The following CD101 variants were observed in gnomAD, a reference collection of about 807,000 sequenced individuals.
The protein encoded by CD101 is CD101 molecule, also known as immunoglobulin superfamily member 2.
Under a neutral mutation model 98.2 loss-of-function variants are expected in CD101, and 76 were observed. The ratio of observed to expected loss-of-function variants is 0.77; its 90% CI spans 0.64 to 0.94. The LOEUF is 0.94. Ranked by LOEUF, CD101 falls within the 40% of genes least tolerant of loss-of-function variation. The pLI, the probability that CD101 is intolerant of heterozygous loss-of-function variation, is 0.00. For missense variants in CD101, 1,145 were observed against 1,218.8 expected (o/e 0.94, Z 0.90); for synonymous variants, 471 against 472.7 (o/e 1.00, Z 0.05).
intron 9 of CD101, 161 bp downstream of exon 9, chr1:117,034,295 C>T (rs1451087253): frequency 6.3e-6 from 4 of 631,342 alleles, no homozygotes; most frequent in Non-Finnish European, 8.2e-6. Context: ...TGTCTTACCT[C>T]ATCCACCTCT....
rs772226672 is a variant in CD101 at position 117,023,449 on chromosome 1, G to A, written c.2428+1466G>A. Among the ~76,000 whole-genome samples the A allele has an allele frequency of 1.3e-4, 19 of 151,892 alleles. No homozygotes were observed. Among genetic ancestry groups the A allele is most frequent in the African/African-American group, 4.4e-4 (18 of 41,346 alleles). On this transcript the variant is annotated intron_variant, in intron 7 of 9. Transcript: ENST00000682167. The surrounding 1 kb of genome is among the most constrained non-coding windows in gnomAD (Gnocchi z 4.4). Reference sequence around the variant, plus strand: ...TTTCTTTTTTTTTAGACGGAGTCTTGCTCTGTTGCTCAGGCTGGAGTCAGT... The same window carrying A: ...TTTCTTTTTTTTTAGACGGAGTCTTACTCTGTTGCTCAGGCTGGAGTCAGT...
At position 117,013,471 on chromosome 1, in the gene CD101, G is replaced by C. The variant is rs201304832; in HGVS notation, c.907G>C (p.Val303Leu). ...TGCTGAAGGGAAACCCTTAGAACTGGTTTGCCTGGTTGTAAGCAGTGGCCG... is the reference window on the plus strand; with the variant it reads ...TGCTGAAGGGAAACCCTTAGAACTGCTTTGCCTGGTTGTAAGCAGTGGCCG... ...LFAEGKPLEL[V>L]CLVVSSGRDP... The change falls in exon 4 of 10, where the codon GTT becomes CTT. Residue 303 changes from valine (V) to leucine (L), a missense_variant. Val to Leu is a conservative substitution (Grantham distance 32, BLOSUM62 1). Transcript: ENST00000682167. 6.2e-7 allele frequency: 1 copy of C among 1,614,046 alleles called. No individual in the cohort carries two copies.
At chr1:117,035,475 C>T (rs1469963632) in intron 9 of CD101, among the ~76,000 whole-genome samples, 2 of 152,004 alleles carry the variant, frequency 1.3e-5, no homozygotes, top group African/African-American at 4.8e-5. Context: ...TTTCCTTAAA[C>T]ATGTCAGCAC....
rs1653617508 is a variant in CD101 at position 117,021,996 on chromosome 1, A to G, written c.2428+13A>G. ...CTCAAGCCCACAGGTAAACCTTGCGAGTGTATCCTCACAATGTCTGTCTGT... is the reference window on the plus strand; with the variant it reads ...CTCAAGCCCACAGGTAAACCTTGCGGGTGTATCCTCACAATGTCTGTCTGT... On this transcript the variant is annotated intron_variant, in intron 7 of 9. Transcript: ENST00000682167. The surrounding 1 kb of genome is among the most constrained non-coding windows in gnomAD (Gnocchi z 4.7). 6.3e-7 allele frequency: 1 copy of G among 1,588,766 alleles called. No homozygotes were observed. The highest frequency in any genetic ancestry group is 8.6e-7 in the Non-Finnish European group (1 of 1,168,454).
chr1:117,018,121 A>T lies in CD101; in HGVS notation c.1613-35A>T. On this transcript the variant is annotated intron_variant, in intron 5 of 9. Transcript: ENST00000682167. The surrounding 1 kb of genome is among the most constrained non-coding windows in gnomAD (Gnocchi z 4.3). ...AAAGTGCTATATTTTAATCTGGTAA[A>T]TATATTAGAAATTCTGTTTCATTTT... is the stretch of plus-strand genomic sequence containing the variant. The T allele has an allele frequency of 6.5e-7, 1 of 1,527,694 alleles. No homozygotes were observed. Among genetic ancestry groups the T allele is most frequent in the East Asian group, 2.3e-5 (1 of 43,406 alleles). The allele number at this position is 1,527,694 out of a possible 1,614,324, so 94.6% of individuals were successfully genotyped here.
At chr1:117,011,477 CAG>C (rs940783713) in intron 2 of CD101, 71 bp from the exon 3 acceptor site, 18 of 1,331,756 alleles carry the variant, frequency 1.4e-5, no homozygotes, top group East Asian at 4.6e-5. Context: ...TAGGGTAGCT[CAG>C]GGCGCCATCT....
chr1:117,023,870 T>C lies in CD101; in HGVS notation c.2429-1639T>C, dbSNP rs2101141946. On this transcript the variant is annotated intron_variant, in intron 7 of 9. Coordinates refer to ENST00000682167, the MANE Select transcript of CD101 (RefSeq NM_001256106.3). The surrounding 1 kb of genome is among the most constrained non-coding windows in gnomAD (Gnocchi z 4.4). ...TGACTGGTCAGAGTTGTAAGGGGGA[T>C]ATTTTCTCTGAGGTTGGAAGAAAAG... is the stretch of plus-strand genomic sequence containing the variant. Among the ~76,000 whole-genome samples the C allele has an allele frequency of 6.6e-6, 1 of 152,166 alleles. No individual in the cohort carries two copies. Among genetic ancestry groups the C allele is most frequent in the East Asian group, 1.9e-4 (1 of 5,158 alleles).
At chr1:117,031,347 C>T (rs150755381) in intron 8 of CD101, among the ~76,000 whole-genome samples, 388 of 152,316 alleles carry the variant, frequency 2.5e-3, no homozygotes, top group Non-Finnish European at 3.9e-3. Flanking sequence ...GGCCCCATCT[C>T]GCCATCATTA....
chr1:117,009,900 T>G lies in CD101; in HGVS notation c.94T>G (p.Phe32Val). The G allele has an allele frequency of 6.2e-7, 1 of 1,613,790 alleles. No homozygotes were observed. The highest frequency in any genetic ancestry group is 8.5e-7 in the Non-Finnish European group (1 of 1,179,920). ...REVTVQKGPL[F>V]RAEGYPVSIG... The stretch of plus-strand genomic sequence containing the variant: ...AGTAACAGTTCAGAAAGGACCACTG[T>G]TTAGAGCTGAAGGTTACCCAGTCAG... The change falls in exon 2 of 10, where the codon TTT becomes GTT. Residue 32 changes from phenylalanine to valine, a missense_variant. Transcript: ENST00000682167.
chr1:117,025,798 G>A lies in CD101; in HGVS notation c.2718G>A (p.Met906Ile). ...AGGTGGAGATGGAGGATGCAGGAAT[G>A]TACTGGTGTAGGGTGGCAGAGTGGC... is the stretch of plus-strand genomic sequence containing the variant. The part of the protein sequence containing the change: ...LHQVEMEDAG[M>I]YWCRVAEWQL... Residue 906 changes from methionine to isoleucine, a missense_variant, in exon 8 of 10, where the codon ATG (methionine) becomes ATA (isoleucine). By Grantham distance (10) the Met-to-Ile change is conservative (BLOSUM62 1). Transcript: ENST00000682167. 6.2e-7 allele frequency: 1 copy of A among 1,614,224 alleles called. No individual in the cohort carries two copies. The highest frequency in any genetic ancestry group is 8.5e-7 in the Non-Finnish European group (1 of 1,180,032).
chr1:117,030,880 A>C (rs1244392795), intron 8 of CD101, among the ~76,000 whole-genome samples: 1 of 152,168 alleles, frequency 6.6e-6, no homozygotes, highest in East Asian at 1.9e-4. Flanking sequence ...GAAATATCAA[A>C]AAGGAGTGCT....
intron 8 of CD101, among the ~76,000 whole-genome samples, chr1:117,031,280 G>C (rs1654447706): frequency 6.6e-6 from 1 of 152,104 alleles, no homozygotes; most frequent in African/African-American, 2.4e-5. Context: ...AAGCCCTCTG[G>C]CTGTTCCTTC....
Position 117,004,428 on chromosome 1 carries a change from GCAGTGGTAA to G in CD101, c.43+2569_43+2577del, listed in dbSNP as rs1652416870. Among the ~76,000 whole-genome samples, 1 of 152,136 alleles carries G rather than the reference GCAGTGGTAA, an allele frequency of 6.6e-6. No homozygotes were observed. The highest frequency in any genetic ancestry group is 1.5e-5 in the Non-Finnish European group (1 of 68,020). ...TAATCGTTTTCATTCAAATAATACT[GCAGTGGTAA>G]ATTTGACAATTCCAGTGATATTTTT... On this transcript the variant is annotated intron_variant, in intron 1 of 9. Coordinates refer to ENST00000682167, the MANE Select transcript of CD101 (RefSeq NM_001256106.3). This position sits in a 1 kb window ranked among gnomAD's most constrained non-coding sequence, Gnocchi z 4.1.
intron 8 of CD101, among the ~76,000 whole-genome samples, chr1:117,030,159 C>T (rs1654355694): frequency 6.6e-6 from 1 of 152,092 alleles, no homozygotes; most frequent in African/African-American, 2.4e-5. Flanking sequence ...AATCCCAGCA[C>T]TTTGGGAGGC....
intron 8 of CD101, chr1:117,026,433 A>T (rs2101148448): frequency 6.6e-6 from 1 of 152,642 alleles, no homozygotes; most frequent in Non-Finnish European, 1.5e-5. Flanking sequence ...AAGCTATCCG[A>T]TTTGTTCCTT....
At position 117,034,039 on chromosome 1, in the gene CD101, A is replaced by T. The variant is rs1184881384; in HGVS notation, c.3004A>T (p.Lys1002Ter). 6.2e-7 allele frequency: 1 copy of T among 1,614,158 alleles called. No homozygotes were observed. Among genetic ancestry groups the T allele is most frequent in the Admixed American group, 1.7e-5 (1 of 60,026 alleles). The change falls in exon 9 of 10, where the codon AAA becomes TAA. Residue 1002 changes from lysine to a stop codon, truncating the protein, a stop_gained. Coordinates refer to ENST00000682167, the MANE Select transcript of CD101 (RefSeq NM_001256106.3). LOFTEE classifies it high-confidence loss of function. ...RKEKALWVDLKEAGGVTTNRR... is the reference protein window; with the variant it reads ...RKEKALWVDL ...AGAAAAAGCTCTCTGGGTGGACTTG[A>T]AAGAGGCTGGAGGTGTGACCACAAA...
intron 8 of CD101, among the ~76,000 whole-genome samples, chr1:117,031,048 A>G (rs1454666338): frequency 6.6e-6 from 1 of 152,222 alleles, no homozygotes. Context: ...AATGGTTTGA[A>G]TGTCACTAAT....
chr1:117,033,392 C>G lies in CD101; in HGVS notation c.2825-468C>G, dbSNP rs1654585085. ...GTGTGATTGTTTTATAAGGACAGTG[C>G]AGAGTGCAGGGCAGAGTGTGTGTGT... On this transcript the variant is annotated intron_variant, in intron 8 of 9. Transcript: ENST00000682167. The surrounding 1 kb of genome is among the most constrained non-coding windows in gnomAD (Gnocchi z 4.8). Among the ~76,000 whole-genome samples, 1 of 151,834 alleles carries G rather than the reference C, an allele frequency of 6.6e-6. No individual in the cohort carries two copies. The highest frequency in any genetic ancestry group is 1.5e-5 in the Non-Finnish European group (1 of 67,942).
At chr1:117,016,440 T>C (rs1427523799) in intron 4 of CD101, among the ~76,000 whole-genome samples, 1 of 152,142 alleles carries the variant, frequency 6.6e-6, no homozygotes, top group Non-Finnish European at 1.5e-5. Context: ...CACAGCTTTA[T>C]TAGTTTCAGG....
Sources: gnomAD v4.1 joint callset for allele counts (sites outside exome capture counted in the v4.1 genomes callset) on GRCh38, gnomAD v4.1.1 for gene constraint, Gnocchi (gnomAD v3.1) non-coding constraint, MANE v1.5 for transcripts, NCBI Gene and HGNC (gene_info 2026-07-23, HGNC 2026-07-21) for gene names.